APOH: variants seen among roughly 807,000 people sequenced by gnomAD.
APOH encodes beta-2-glycoprotein 1.
A neutral mutation model predicts 39.8 loss-of-function variants in APOH; 48 were observed. The ratio of observed to expected loss-of-function variants is 1.21; its 90% confidence interval spans 0.96 to 1.54. The LOEUF is 1.54. Ranked by LOEUF, APOH falls within the 40% of genes most tolerant of loss-of-function variation. The pLI, the probability that APOH is intolerant of heterozygous loss-of-function variation, is 0.00. For missense variants in APOH, 415 were observed against 421.2 expected (o/e 0.99, Z 0.13); for synonymous variants, 153 against 151.1 (o/e 1.01, Z -0.09).
Position 66,212,103 on chromosome 17 carries a change from T to C in APOH, c.*30A>G. 6.3e-7 allele frequency: 1 copy of C among 1,585,282 alleles called. No individual in the cohort carries two copies. Reference sequence around the variant, plus strand: ...TCCTTGGATGAACAAGAAACAAGTGTGACATTTTGTGTGGAATCTGAAAAC... The same window carrying C: ...TCCTTGGATGAACAAGAAACAAGTGCGACATTTTGTGTGGAATCTGAAAAC... On this transcript the variant is annotated 3_prime_UTR_variant, in exon 8 of 8. Coordinates refer to ENST00000205948, the MANE Select transcript of APOH (RefSeq NM_000042.3).
intron 2 of APOH, 22 bp from the exon 3 acceptor site, chr17:66,226,146 T>C: frequency 6.4e-7 from 1 of 1,551,648 alleles, no homozygotes; most frequent in Non-Finnish European, 8.7e-7. Context: ...AGATAAAAAA[T>C]GTTACTTTTC....
At chr17:66,219,118 G>A (rs2073382537) in intron 5 of APOH, among the ~76,000 whole-genome samples, 1 of 152,052 alleles carries the variant, frequency 6.6e-6, no homozygotes, top group Non-Finnish European at 1.5e-5. Flanking sequence ...ATGTATAAGA[G>A]ATACTTCTGG....
At chr17:66,220,211 G>GT (rs1164493306) in intron 5 of APOH, among the ~76,000 whole-genome samples, 2 of 152,118 alleles carry the variant, frequency 1.3e-5, no homozygotes, top group African/African-American at 4.8e-5. Context: ...AGCTGTCCAT[G>GT]GATACATCCT....
intron 7 of APOH, among the ~76,000 whole-genome samples, chr17:66,214,225 A>T (rs555945953): frequency 1.4e-4 from 22 of 152,042 alleles, no homozygotes; most frequent in African/African-American, 5.1e-4. Flanking sequence ...ACAGCAATTA[A>T]TTTTTGTATT....
At position 66,214,082 on chromosome 17, in the gene APOH, C is replaced by T. The variant is rs141772543; in HGVS notation, c.982+371G>A. Among the ~76,000 whole-genome samples, 445 of 152,154 alleles carry T rather than the reference C, an allele frequency of 2.9e-3. 2 individuals carry two copies. The highest frequency in any genetic ancestry group is 5.2e-3 in the South Asian group (25 of 4,824). On this transcript the variant is annotated intron_variant, in intron 7 of 7. Transcript: ENST00000205948. ...TGTTTTGTTTGTTTTTGTTTTGAGACGGAGTTTCGCTCTGTTGCCCAGGCT... is the reference window on the plus strand; with the variant it reads ...TGTTTTGTTTGTTTTTGTTTTGAGATGGAGTTTCGCTCTGTTGCCCAGGCT...
At chr17:66,217,976 A>C (rs1425986422) in intron 5 of APOH, among the ~76,000 whole-genome samples, 1 of 152,094 alleles carries the variant, frequency 6.6e-6, no homozygotes, top group Non-Finnish European at 1.5e-5. Flanking sequence ...GTCTATAATA[A>C]TACTAAAAAA....
In APOH at chr17:66,227,433, T is replaced by A. The variant is rs151054029; in HGVS notation, c.241+587A>T. Among the ~76,000 whole-genome samples, 697 of 152,300 alleles carry A rather than the reference T, an allele frequency of 4.6e-3. 24 individuals are homozygous for A. The highest frequency in any genetic ancestry group is 0.043 in the Admixed American group (653 of 15,294). Reference sequence around the variant, plus strand: ...TTGCATAATACTTGACTGTAAAGAATAATGCTAGCATGATATCATAGAACC... The same window carrying A: ...TTGCATAATACTTGACTGTAAAGAAAAATGCTAGCATGATATCATAGAACC... On this transcript the variant is annotated intron_variant, in intron 2 of 7. Transcript: ENST00000205948.
chr17:66,217,279 G>A (rs2073371168), intron 5 of APOH, among the ~76,000 whole-genome samples: 2 of 151,910 alleles, frequency 1.3e-5, no homozygotes, highest in South Asian at 4.2e-4. Flanking sequence ...CTAAGATGGT[G>A]GGTTTGAAAG....
chr17:66,224,722 G>T (rs1335296129), intron 3 of APOH, among the ~76,000 whole-genome samples: 3 of 128,720 alleles, frequency 2.3e-5, no homozygotes, highest in African/African-American at 6.0e-5. Context: ...GGAAAGGAAA[G>T]GAAAGGAAAG....
chr17:66,212,268 T>C (rs2146989292), intron 7 of APOH, 80 bp from the exon 8 acceptor site: 1 of 1,230,268 alleles, frequency 8.1e-7, no homozygotes, highest in South Asian at 1.3e-5. Flanking sequence ...CCAAACCAAA[T>C]ACATTTTACG....
chr17:66,228,994 G>A (rs982769417), intron 1 of APOH, among the ~76,000 whole-genome samples: 1 of 151,636 alleles, frequency 6.6e-6, no homozygotes, highest in Non-Finnish European at 1.5e-5. Context: ...CATCACGCCC[G>A]GCTAATTTTT....
Position 66,212,121 on chromosome 17 carries a change from C to T in APOH, c.*12G>A. 6.2e-7 allele frequency: 1 copy of T among 1,611,258 alleles called. No homozygotes were observed. Among genetic ancestry groups the T allele is most frequent in the South Asian group, 1.1e-5 (1 of 90,894 alleles). ...ACAAGTGTGACATTTTGTGTGGAAT[C>T]TGAAAACCACCTTAGCATGGCTTTA... On this transcript the variant is annotated 3_prime_UTR_variant, in exon 8 of 8. Coordinates refer to ENST00000205948, the MANE Select transcript of APOH (RefSeq NM_000042.3).
At chr17:66,223,602 G>A (rs1312307477) in intron 4 of APOH, 96 bp downstream of exon 4, 14 of 1,049,406 alleles carry the variant, frequency 1.3e-5, no homozygotes, top group Non-Finnish European at 1.8e-5. Context: ...TCATCTCATT[G>A]AGCTGTGACT....
intron 4 of APOH, among the ~76,000 whole-genome samples, chr17:66,221,953 G>C (rs1027406379): frequency 1.3e-5 from 2 of 152,184 alleles, no homozygotes; most frequent in Admixed American, 1.3e-4. Context: ...CAGAAGCTCA[G>C]ACCCCACTGC....
intron 3 of APOH, among the ~76,000 whole-genome samples, chr17:66,225,265 AG>A (rs1172076114): frequency 6.6e-6 from 1 of 152,122 alleles, no homozygotes; most frequent in Admixed American, 6.5e-5. Context: ...ATAATGTCAC[AG>A]GGGTGCCTTT....
chr17:66,228,052 C>G lies in APOH; in HGVS notation c.209G>C (p.Gly70Ala), dbSNP rs937249568. The G allele has an allele frequency of 6.2e-7, 1 of 1,614,132 alleles. No individual in the cohort carries two copies. Among genetic ancestry groups the G allele is most frequent in the Non-Finnish European group, 8.5e-7 (1 of 1,179,982 alleles). Residue 70 changes from glycine to alanine, a missense_variant, in exon 2 of 8, where the codon GGA becomes GCA. Coordinates refer to ENST00000205948, the MANE Select transcript of APOH (RefSeq NM_000042.3). ...TTTCAGAGTGTTGATGGGCCACAGTCCTGTGAGAGGGCAGATAAACTTTCT... is the reference window on the plus strand; with the variant it reads ...TTTCAGAGTGTTGATGGGCCACAGTGCTGTGAGAGGGCAGATAAACTTTCT... ...GMRKFICPLT[G>A]LWPINTLKCT... is the part of the protein sequence containing the mutation.
chr17:66,224,961 G>A (rs1598553880), intron 3 of APOH, among the ~76,000 whole-genome samples: 1 of 152,008 alleles, frequency 6.6e-6, no homozygotes, highest in East Asian at 1.9e-4. Flanking sequence ...CAGCTACTTG[G>A]GAAGCTGAGG....
At chr17:66,220,259 C>T (rs146546407) in intron 5 of APOH, among the ~76,000 whole-genome samples, 5 of 152,230 alleles carry the variant, frequency 3.3e-5, no homozygotes, top group African/African-American at 9.6e-5. Flanking sequence ...ATGCCTTCTC[C>T]TCATTCTCTA....
intron 2 of APOH, 136 bp from the exon 3 acceptor site, chr17:66,226,260 TG>T: frequency 1.6e-6 from 1 of 639,622 alleles, no homozygotes; most frequent in Non-Finnish European, 2.7e-6. Context: ...ATAACTTTAC[TG>T]GTAACTATTC....
Sources: allele counts gnomAD v4.1 joint callset (sites outside exome capture counted in the v4.1 genomes callset), GRCh38; gene constraint gnomAD v4.1.1; transcripts MANE v1.5; gene names NCBI Gene and HGNC (gene_info 2026-07-23, HGNC 2026-07-21).